The following MYLK variants were observed in gnomAD, a reference collection of about 807,000 sequenced individuals.
MYLK encodes the protein myosin light chain kinase, smooth muscle.
A neutral mutation model predicts 203.4 loss-of-function variants in MYLK; 106 were observed. The observed-to-expected ratio is 0.52, with a 90% CI of 0.45 to 0.61. The LOEUF is 0.61. MYLK is among the 20% of genes least tolerant of loss of function. The pLI is 0.00. For synonymous variants in MYLK, 867 were observed against 959.5 expected (o/e 0.90, Z 1.78); for missense variants, 2,072 against 2,442.3 (o/e 0.85, Z 3.20).
intron 2 of MYLK, among the ~76,000 whole-genome samples, chr3:123,858,477 G>A (rs2031604666): frequency 1.3e-5 from 2 of 152,130 alleles, no homozygotes; most frequent in African/African-American, 4.8e-5. Flanking sequence ...AGGCTGAGAA[G>A]TACAAGGTCG....
rs750871704 is a variant in MYLK at position 123,726,001 on chromosome 3, C to G, written c.1594G>C (p.Val532Leu). The G allele has an allele frequency of 3.1e-6, 5 of 1,614,198 alleles. No individual in the cohort carries two copies. The highest frequency in any genetic ancestry group is 4.2e-6 in the Non-Finnish European group (5 of 1,180,030). Residue 532 changes from valine to leucine, a missense_variant, in exon 12 of 34, where the codon GTG becomes CTG. Val to Leu is a conservative substitution (Grantham distance 32, BLOSUM62 1). Around this residue, in one of 3 missense-constraint regions of MYLK, gnomAD observed 865 missense variants for 1,016.0 expected, o/e 0.85. Coordinates refer to ENST00000360304, the MANE Select transcript of MYLK (RefSeq NM_053025.4). ...GTCCCCCGTACGGAGCACTGCAGCACAAAATCCTGGCCCTCAATAACAGCG... is the reference window on the plus strand; with the variant it reads ...GTCCCCCGTACGGAGCACTGCAGCAGAAAATCCTGGCCCTCAATAACAGCG... The part of the protein sequence containing the change: ...DCAVIEGQDF[V>L]LQCSVRGTPV...
intron 13 of MYLK, among the ~76,000 whole-genome samples, chr3:123,720,979 T>C (rs138516293): frequency 6.6e-6 from 1 of 152,220 alleles, no homozygotes; most frequent in Admixed American, 6.5e-5. Context: ...GGTGCAGCTT[T>C]GCAGACTAAC....
rs116243674 is a variant in MYLK, at chr3:123,711,301, G to T, written c.1805-1408C>A. ...AAATCATGGCAAAGGTTTCATGTGTGTGCATATGTCAAAACTTATCAAACT... is the reference window on the plus strand; with the variant it reads ...AAATCATGGCAAAGGTTTCATGTGTTTGCATATGTCAAAACTTATCAAACT... On this transcript the variant is annotated intron_variant, in intron 13 of 33. Transcript: ENST00000360304. 6.1e-3 allele frequency among the ~76,000 whole-genome samples: 925 copies of T among 152,228 alleles called. 9 individuals carry two copies. The highest frequency in any genetic ancestry group is 0.022 in the African/African-American group (895 of 41,518).
chr3:123,864,138 A>G (rs1231269734), intron 2 of MYLK, among the ~76,000 whole-genome samples: 2 of 152,244 alleles, frequency 1.3e-5, no homozygotes, highest in Non-Finnish European at 2.9e-5. Flanking sequence ...GTTCTAGGAG[A>G]GACAAAACAA....
chr3:123,617,732 A>C (rs1392034638), intron 33 of MYLK: 1 of 152,218 alleles, frequency 6.6e-6, no homozygotes, highest in Non-Finnish European at 1.5e-5. Context: ...TGGCAGGTGA[A>C]AGTCACAGAC....
Position 123,793,797 on chromosome 3 carries a change from G to A in MYLK, c.45C>T (p.Thr15=), listed in dbSNP as rs1318928887. The change falls in exon 4 of 34, where the codon ACC becomes ACT. Residue 15 remains threonine (T), a synonymous_variant. Transcript: ENST00000360304. ...CTCTTGAGGGATCCACACTGAGGGA[G>A]GTTTTGGAAATGTGTGACGAGGCAA... ...KLVASSHISK[T]SLSVDPSRVD... is the part of the protein sequence containing the mutation. 4.3e-6 allele frequency: 7 copies of A among 1,614,106 alleles called. No homozygotes were observed. Among genetic ancestry groups the A allele is most frequent in the Admixed American group, 1.7e-5 (1 of 60,014 alleles).
intron 13 of MYLK, among the ~76,000 whole-genome samples, chr3:123,714,405 C>T (rs2061823136): frequency 6.6e-6 from 1 of 152,190 alleles, no homozygotes; most frequent in Non-Finnish European, 1.5e-5. Flanking sequence ...TCACTCCTCT[C>T]TGCTTGTCCT....
At chr3:123,692,970 G>A in intron 18 of MYLK, 119 bp from the exon 19 acceptor site, 1 of 851,680 alleles carries the variant, frequency 1.2e-6, no homozygotes, top group East Asian at 2.4e-5. Context: ...GAAGCCAGAG[G>A]CCTTGTGGGA....
chr3:123,793,971 G>T, intron 3 of MYLK, 127 bp from the exon 4 acceptor site: 1 of 986,972 alleles, frequency 1.0e-6, no homozygotes, highest in Non-Finnish European at 1.6e-6. Context: ...AGTTAGGTCA[G>T]TGTCCACCCA....
intron 2 of MYLK, among the ~76,000 whole-genome samples, chr3:123,839,748 T>C (rs1344233458): frequency 6.6e-6 from 1 of 152,206 alleles, no homozygotes; most frequent in African/African-American, 2.4e-5. Flanking sequence ...AAATATACAT[T>C]GTTTTCAAAT....
At chr3:123,752,688 G>A in intron 4 of MYLK, 150 bp from the exon 5 acceptor site, 1 of 933,104 alleles carries the variant, frequency 1.1e-6, no homozygotes, top group Non-Finnish European at 1.6e-6. Flanking sequence ...GGAAATCAAG[G>A]TACAGAGAGT....
intron 13 of MYLK, among the ~76,000 whole-genome samples, 164 bp from the exon 14 acceptor site, chr3:123,710,057 C>A (rs1413117650): frequency 6.6e-6 from 1 of 152,200 alleles, no homozygotes; most frequent in South Asian, 2.1e-4. Flanking sequence ...TCATTAGGAA[C>A]AAGATGCCTC....
intron 31 of MYLK, chr3:123,622,102 G>A (rs887009385): frequency 6.6e-6 from 1 of 152,170 alleles, no homozygotes; most frequent in African/African-American, 2.4e-5. Context: ...GTAAGAGGTG[G>A]TACCAGCCAT....
rs546668704 is a variant in MYLK at position 123,642,636 on chromosome 3, G to A, written c.4620-2132C>T. Among the ~76,000 whole-genome samples, 55 of 152,206 alleles carry A rather than the reference G, an allele frequency of 3.6e-4. No individual in the cohort carries two copies. The highest frequency in any genetic ancestry group is 7.2e-4 in the Admixed American group (11 of 15,286). On this transcript the variant is annotated intron_variant, in intron 27 of 33. Coordinates refer to ENST00000360304, the MANE Select transcript of MYLK (RefSeq NM_053025.4). The surrounding 1 kb of genome is among the most constrained non-coding windows in gnomAD (Gnocchi z 4.2). ...TGTCCTTATGCCCTCCATTTCTATT[G>A]CTCTCTGCCAAGGCTCCAAGACAAA...
rs530951554 is a variant in MYLK, at chr3:123,701,475, G to T, written c.2425C>A (p.Leu809Met). The T allele has an allele frequency of 6.2e-7, 1 of 1,614,106 alleles. No individual in the cohort carries two copies. The highest frequency in any genetic ancestry group is 1.7e-5 in the Admixed American group (1 of 60,024). ...CTGGCAGAGCTGTTCTGTAGCATCA[G>T]TGACACCTGGCAACTGCATTCGCCA... ...RVGECSCQVSLMLQNSSARAL... is the reference protein window; with the variant it reads ...RVGECSCQVSMMLQNSSARAL... Residue 809 changes from leucine (L) to methionine (M), a missense_variant, in exon 17 of 34, where the codon CTG (leucine) becomes ATG (methionine). Leu to Met is a conservative substitution (Grantham distance 15). Around this residue, in one of 3 missense-constraint regions of MYLK, gnomAD observed 865 missense variants for 1,016.0 expected, o/e 0.85. Coordinates refer to ENST00000360304, the MANE Select transcript of MYLK (RefSeq NM_053025.4).
At chr3:123,628,484 C>A (rs988066253) in intron 30 of MYLK, among the ~76,000 whole-genome samples, 49 of 152,294 alleles carry the variant, frequency 3.2e-4, no homozygotes, top group African/African-American at 1.1e-3. Flanking sequence ...CAACTGCTCC[C>A]TGGGATTGCC....
intron 23 of MYLK, among the ~76,000 whole-genome samples, chr3:123,662,696 T>A (rs1263260155): frequency 1.3e-5 from 2 of 152,240 alleles, no homozygotes; most frequent in Admixed American, 1.3e-4. Flanking sequence ...ACAGATCCTT[T>A]TGTTCTGTGT....
At chr3:123,871,322 A>T (rs2032768284) in intron 2 of MYLK, among the ~76,000 whole-genome samples, 1 of 152,198 alleles carries the variant, frequency 6.6e-6, no homozygotes, top group South Asian at 2.1e-4. Flanking sequence ...AGCAGAATAT[A>T]TGATAAAGAA....
chr3:123,842,212 C>T (rs1234528321), intron 2 of MYLK, among the ~76,000 whole-genome samples: 3 of 152,046 alleles, frequency 2.0e-5, no homozygotes, highest in Non-Finnish European at 2.9e-5. Context: ...TAGGCAAAAA[C>T]TAACCATAAA....
Sources: gnomAD v4.1 joint callset for allele counts (sites outside exome capture counted in the v4.1 genomes callset) on GRCh38, gnomAD v4.1.1 for gene constraint, gnomAD v4.1.1 regional missense constraint, Gnocchi (gnomAD v3.1) non-coding constraint, MANE v1.5 for transcripts, NCBI Gene and HGNC (gene_info 2026-07-23, HGNC 2026-07-21) for gene names.